Variants in PPARGC1B observed in about 807,000 individuals in gnomAD.
PPARGC1B encodes PPARG coactivator 1 beta, also known as peroxisome proliferator-activated receptor gamma coactivator 1-beta.
Under a neutral mutation model 101.6 loss-of-function variants are expected in PPARGC1B, and 34 were observed. That is an observed-to-expected ratio of 0.33 (90% confidence interval 0.25 to 0.45). The LOEUF (loss-of-function observed/expected upper bound fraction) is 0.45. Among genes scored for constraint, PPARGC1B ranks in the 20% least tolerant of loss-of-function variants. The pLI is 1.00. For missense variants in PPARGC1B, 1,234 were observed against 1,317.6 expected, an observed-to-expected ratio of 0.94 and a Z score of 0.98; for synonymous variants, 548 against 539.3, an observed-to-expected ratio of 1.02 and a Z score of -0.22.
intron 1 of PPARGC1B, among the ~76,000 whole-genome samples, chr5:149,750,077 CA>C (rs1755231026): frequency 6.6e-6 from 1 of 152,144 alleles, no homozygotes; most frequent in Non-Finnish European, 1.5e-5. Flanking sequence ...GTGACAGGTG[CA>C]ATGCTGACTT....
intron 10 of PPARGC1B, among the ~76,000 whole-genome samples, chr5:149,843,403 GAAAGCTTCAGCAAGA>G (rs1759427451): frequency 1.3e-5 from 2 of 152,044 alleles, no homozygotes; most frequent in South Asian, 4.1e-4. Flanking sequence ...AATAATAATA[GAAAGCTTCAGCAAGA>G]AAAGAGTTTC....
intron 4 of PPARGC1B, among the ~76,000 whole-genome samples, chr5:149,831,794 C>T (rs1304195608): frequency 6.6e-6 from 1 of 152,232 alleles, no homozygotes. Flanking sequence ...GCGAATAAGA[C>T]TGGAGAGGTT....
At chr5:149,789,048 T>C (rs1204683853) in intron 1 of PPARGC1B, among the ~76,000 whole-genome samples, 1 of 152,194 alleles carries the variant, frequency 6.6e-6, no homozygotes, top group Non-Finnish European at 1.5e-5. Context: ...CTGCATGTTG[T>C]GCACATGTAC....
Position 149,833,050 on chromosome 5 carries a change from G to T in PPARGC1B, c.977G>T (p.Arg326Leu), listed in dbSNP as rs760407336. The T allele has an allele frequency of 6.2e-7, 1 of 1,613,808 alleles. No homozygotes were observed. Among genetic ancestry groups the T allele is most frequent in the Non-Finnish European group, 8.5e-7 (1 of 1,180,010 alleles). The change falls in exon 5 of 12, where the codon CGG (arginine) becomes CTG (leucine). Residue 326 changes from arginine (R) to leucine (L), a missense_variant. Arg to Leu is a moderately radical substitution (Grantham distance 102). Coordinates refer to ENST00000309241, the MANE Select transcript of PPARGC1B (RefSeq NM_133263.4). The surrounding 1 kb of genome is among the most constrained non-coding windows in gnomAD (Gnocchi z 4.1). ...AACCCCTCCCAGCAGGTCAGATCCCGGCCCTGGTCCCGGCACCACTCCAAA... is the reference window on the plus strand; with the variant it reads ...AACCCCTCCCAGCAGGTCAGATCCCTGCCCTGGTCCCGGCACCACTCCAAA... ...CSNPSQQVRSRPWSRHHSKAS... is the reference protein window; with the variant it reads ...CSNPSQQVRSLPWSRHHSKAS...
chr5:149,747,640 C>G (rs1176056893), intron 1 of PPARGC1B, among the ~76,000 whole-genome samples: 1 of 152,204 alleles, frequency 6.6e-6, no homozygotes, highest in Non-Finnish European at 1.5e-5. Flanking sequence ...GTGTGGACAC[C>G]AGGTACCTGC....
rs769418115 is a variant in PPARGC1B at position 149,826,863 on chromosome 5, C to T, written c.443C>T (p.Pro148Leu). 1.2e-6 allele frequency: 2 copies of T among 1,612,438 alleles called. No individual in the cohort carries two copies. The highest frequency in any genetic ancestry group is 1.7e-6 in the Non-Finnish European group (2 of 1,178,924). Residue 148 changes from proline (P) to leucine (L), a missense_variant, in exon 3 of 12, where the codon CCT (proline) becomes CTT (leucine). Pro to Leu is a moderately conservative substitution (Grantham distance 98). Around this residue, in one of 3 missense-constraint regions of PPARGC1B, gnomAD observed 734 missense variants for 768.4 expected, o/e 0.96. Transcript: ENST00000309241. ...CCGGAGAAGCCCTCGGCCCCAGCCC[C>T]TGAGGTGGACGAGCTCTCACTGGTA... ...PAPEKPSAPAPEVDELSLLQK... is the reference protein window; with the variant it reads ...PAPEKPSAPALEVDELSLLQK...
At chr5:149,795,318 T>G (rs1422212629) in intron 1 of PPARGC1B, among the ~76,000 whole-genome samples, 2 of 152,182 alleles carry the variant, frequency 1.3e-5, no homozygotes, top group Non-Finnish European at 2.9e-5. Context: ...TTTCCTCACC[T>G]GTAAAATGGA....
chr5:149,822,486 C>T (rs1434143448), intron 2 of PPARGC1B, among the ~76,000 whole-genome samples: 1 of 152,192 alleles, frequency 6.6e-6, no homozygotes, highest in Non-Finnish European at 1.5e-5. Flanking sequence ...GTGACTGGGG[C>T]CTGTCCCCAG....
chr5:149,742,287 C>T (rs892769414), intron 1 of PPARGC1B, among the ~76,000 whole-genome samples: 2 of 152,186 alleles, frequency 1.3e-5, no homozygotes, highest in African/African-American at 4.8e-5. Context: ...TCCCTGTGCC[C>T]CTCTCCCATC....
In PPARGC1B at chr5:149,820,651, T is replaced by G. The variant is rs565732982; in HGVS notation, c.252+45T>G. On this transcript the variant is annotated intron_variant, in intron 2 of 11. Coordinates refer to ENST00000309241, the MANE Select transcript of PPARGC1B (RefSeq NM_133263.4). ...CCCTCCTCCCACCCTGCCAGGCCTCTCTCTCCTCAAAATCCCGGCTCTGCC... is the reference window on the plus strand; with the variant it reads ...CCCTCCTCCCACCCTGCCAGGCCTCGCTCTCCTCAAAATCCCGGCTCTGCC... 3 of 1,565,886 alleles carry G rather than the reference T, an allele frequency of 1.9e-6. No individual in the cohort carries two copies. The South Asian group carries it at 3.4e-5, about 18-fold the overall frequency.
At chr5:149,805,584 C>T (rs577287053) in intron 1 of PPARGC1B, among the ~76,000 whole-genome samples, 6 of 152,202 alleles carry the variant, frequency 3.9e-5, no homozygotes, top group South Asian at 2.1e-4. Context: ...GGATTACAGG[C>T]GTGCACCACC....
chr5:149,818,223 CT>C (rs1379852073), intron 1 of PPARGC1B, among the ~76,000 whole-genome samples: 1 of 152,208 alleles, frequency 6.6e-6, no homozygotes, highest in Non-Finnish European at 1.5e-5. Context: ...AAGTGTTCTG[CT>C]CTTCTCTGGA....
chr5:149,825,738 G>A (rs184495656), intron 2 of PPARGC1B, among the ~76,000 whole-genome samples: 7 of 152,282 alleles, frequency 4.6e-5, no homozygotes, highest in East Asian at 1.9e-4. Context: ...TATCACCAGC[G>A]TCCAGCATGA....
At chr5:149,757,349 T>C (rs1385060175) in intron 1 of PPARGC1B, among the ~76,000 whole-genome samples, 1 of 48,500 alleles carries the variant, frequency 2.1e-5, no homozygotes, top group Admixed American at 1.7e-4. Context: ...TGTTTGAGCA[T>C]TTTTTTTTTT....
intron 1 of PPARGC1B, among the ~76,000 whole-genome samples, chr5:149,739,117 C>T (rs985397919): frequency 6.6e-6 from 1 of 152,206 alleles, no homozygotes; most frequent in African/African-American, 2.4e-5. Flanking sequence ...GTATTTTAAA[C>T]ATTTGACTAT....
chr5:149,796,159 G>T (rs1404130497), intron 1 of PPARGC1B, among the ~76,000 whole-genome samples: 2 of 152,200 alleles, frequency 1.3e-5, no homozygotes, highest in Non-Finnish European at 2.9e-5. Flanking sequence ...ACAGCCATGC[G>T]ATGGAGAGTG....
At chr5:149,771,867 C>T in intron 1 of PPARGC1B, 1 of 548,170 alleles carries the variant, frequency 1.8e-6, no homozygotes, top group South Asian at 3.1e-5. Flanking sequence ...AGTAAATATC[C>T]CCACCATGGC....
chr5:149,830,618 G>A, intron 3 of PPARGC1B, 149 bp from the exon 4 acceptor site: 2 of 677,288 alleles, frequency 3.0e-6, no homozygotes, highest in Non-Finnish European at 5.4e-6. Context: ...AGTATCTTGG[G>A]ATCATCATCC....
rs960138914 is a variant in PPARGC1B, at chr5:149,851,309, C to A, written c.*3751C>A. ...AGTAAAAGGGCAGGGAAGGCATGGA[C>A]AGCCTGGTCCTTCTGCATGGACAGC... On this transcript the variant is annotated 3_prime_UTR_variant, in exon 12 of 12. Coordinates refer to ENST00000309241, the MANE Select transcript of PPARGC1B (RefSeq NM_133263.4). 6.6e-6 allele frequency: 1 copy of A among 152,218 alleles called. No individual in the cohort carries two copies. Among genetic ancestry groups the A allele is most frequent in the African/African-American group, 2.4e-5 (1 of 41,440 alleles). 9.4% of individuals were successfully genotyped at this position (152,218 alleles called of 1,614,324 possible).
Sources: gnomAD v4.1 joint callset for allele counts (sites outside exome capture counted in the v4.1 genomes callset) on GRCh38, gnomAD v4.1.1 for gene constraint, gnomAD v4.1.1 regional missense constraint, Gnocchi (gnomAD v3.1) non-coding constraint, MANE v1.5 for transcripts, NCBI Gene and HGNC (gene_info 2026-07-23, HGNC 2026-07-21) for gene names.